The following ST7 variants were observed in gnomAD, a reference collection of about 807,000 sequenced individuals.
ST7 encodes suppression of tumorigenicity 7.
In ST7, 28 loss-of-function variants were observed where a neutral mutation model predicts 78.7. The ratio of observed to expected loss-of-function variants is 0.36; its 90% CI spans 0.26 to 0.49. ST7 has a LOEUF of 0.49. Among genes scored for constraint, ST7 ranks in the 20% least tolerant of loss-of-function variants. ST7 has a pLI of 0.99. For missense variants in ST7, 418 were observed against 696.0 expected, an observed-to-expected ratio of 0.60 and a Z score of 4.49; for synonymous variants, 247 against 249.6, an observed-to-expected ratio of 0.99 and a Z score of 0.10.
At chr7:117,027,498 T>TAAAGTAAAGTA (rs140342030) in intron 1 of ST7, among the ~76,000 whole-genome samples, 6 of 15,612 alleles carry the variant, frequency 3.8e-4, no homozygotes, top group African/African-American at 1.0e-3. Context: ...TAAAGTAAAG[T>TAAAGTAAAGTA]AAGTAAAGTA....
At chr7:116,978,122 C>A (rs1220688753) in intron 1 of ST7, among the ~76,000 whole-genome samples, 1 of 152,142 alleles carries the variant, frequency 6.6e-6, no homozygotes, top group Non-Finnish European at 1.5e-5. Flanking sequence ...AGCCTCATAT[C>A]CTTCTGGCCA....
At chr7:117,202,831 T>C (rs1811002282) in intron 12 of ST7, among the ~76,000 whole-genome samples, 1 of 152,144 alleles carries the variant, frequency 6.6e-6, no homozygotes, top group Admixed American at 6.5e-5. Flanking sequence ...TCCCCACAGC[T>C]TTGTTTTTCA....
At position 116,977,165 on chromosome 7, in the gene ST7, C is replaced by T. The variant is rs574071091; in HGVS notation, c.151+23474C>T. Among the ~76,000 whole-genome samples, 8 of 152,296 alleles carry T rather than the reference C, an allele frequency of 5.3e-5. No individual in the cohort carries two copies. In the South Asian group the frequency reaches 1.5e-3, roughly 28 times the overall value. On this transcript the variant is annotated intron_variant, in intron 1 of 15. Transcript: ENST00000323984. ...ATGTCTAGACTCTGTTCTCCAAGGG[C>T]CCTGTTCTAACATTCTGATTCTGTG...
intron 1 of ST7, among the ~76,000 whole-genome samples, chr7:116,962,231 G>T (rs1792872368): frequency 6.6e-6 from 1 of 152,106 alleles, no homozygotes; most frequent in African/African-American, 2.4e-5. Context: ...ATTGTACATG[G>T]TGCTGCAATA....
intron 1 of ST7, among the ~76,000 whole-genome samples, chr7:117,069,121 G>A (rs1584560278): frequency 6.6e-6 from 1 of 152,190 alleles, no homozygotes. Context: ...ATGAAGGAAA[G>A]AATATTATCA....
chr7:117,189,318 C>T lies in ST7; in HGVS notation c.1079-3C>T. Reference sequence around the variant, plus strand: ...GTGTTCCTACTTTCTTTTTCTCCAACAGATATAAGCTTACCAAAGTCAGCA... The same window carrying T: ...GTGTTCCTACTTTCTTTTTCTCCAATAGATATAAGCTTACCAAAGTCAGCA... On this transcript the variant is annotated splice_polypyrimidine_tract_variant and splice_region_variant and intron_variant, in intron 10 of 15. Transcript: ENST00000323984. The T allele has an allele frequency of 6.3e-7, 1 of 1,596,760 alleles. No individual in the cohort carries two copies.
At chr7:117,124,269 G>A (rs1803643552) in intron 3 of ST7, among the ~76,000 whole-genome samples, 1 of 152,060 alleles carries the variant, frequency 6.6e-6, no homozygotes, top group Admixed American at 6.6e-5. Flanking sequence ...CTTAGTGTCT[G>A]CTATCAGCTT....
chr7:117,108,501 G>A (rs1352473357), intron 2 of ST7, among the ~76,000 whole-genome samples: 1 of 152,156 alleles, frequency 6.6e-6, no homozygotes, highest in East Asian at 1.9e-4. Context: ...TGGCCTTATA[G>A]TATAGTTTGA....
chr7:117,114,633 T>C (rs1424762166), intron 2 of ST7, among the ~76,000 whole-genome samples: 2 of 152,200 alleles, frequency 1.3e-5, no homozygotes, highest in Non-Finnish European at 2.9e-5. Flanking sequence ...ATGGGTTTAA[T>C]GGTGTTGGTG....
At chr7:117,066,611 A>G (rs925491055) in intron 1 of ST7, among the ~76,000 whole-genome samples, 1 of 151,798 alleles carries the variant, frequency 6.6e-6, no homozygotes, top group Non-Finnish European at 1.5e-5. Flanking sequence ...AAATACAAAT[A>G]TTAGCTGGGT....
chr7:117,094,329 T>C (rs1166810820), intron 1 of ST7, among the ~76,000 whole-genome samples: 1 of 152,216 alleles, frequency 6.6e-6, no homozygotes, highest in Non-Finnish European at 1.5e-5. Flanking sequence ...TTCCCTAGTC[T>C]CTGCAGCCAT....
At chr7:116,969,413 G>A (rs1425463381) in intron 1 of ST7, among the ~76,000 whole-genome samples, 1 of 152,094 alleles carries the variant, frequency 6.6e-6, no homozygotes, top group East Asian at 1.9e-4. Context: ...TGATTTTCTG[G>A]GATTTTGAGT....
intron 1 of ST7, among the ~76,000 whole-genome samples, chr7:117,082,510 T>TG (rs1371458468): frequency 2.0e-5 from 3 of 152,218 alleles, no homozygotes; most frequent in Admixed American, 1.3e-4. Context: ...TTTCGAGGAA[T>TG]GGCAGCATCA....
chr7:117,039,610 C>G (rs934988713), intron 1 of ST7, among the ~76,000 whole-genome samples: 1 of 151,944 alleles, frequency 6.6e-6, no homozygotes, highest in African/African-American at 2.4e-5. Context: ...TATCCAAACT[C>G]TGAATTTGTA....
intron 1 of ST7, among the ~76,000 whole-genome samples, chr7:116,989,297 T>A (rs942356709): frequency 1.3e-5 from 2 of 152,216 alleles, no homozygotes; most frequent in African/African-American, 4.8e-5. Flanking sequence ...CGTGCTACCC[T>A]TTTGGACAGT....
intron 9 of ST7, among the ~76,000 whole-genome samples, chr7:117,158,180 G>A (rs1478183216): frequency 1.3e-5 from 2 of 152,196 alleles, no homozygotes; most frequent in African/African-American, 2.4e-5. Flanking sequence ...CACTGAGGCA[G>A]GTAGAAGTGG....
At chr7:117,129,277 A>G (rs1376276671) in intron 3 of ST7, among the ~76,000 whole-genome samples, 1 of 151,852 alleles carries the variant, frequency 6.6e-6, no homozygotes, top group Admixed American at 6.6e-5. Flanking sequence ...TAATTTTCTT[A>G]TTCCTTTCCT....
At chr7:117,110,454 G>T (rs537720656) in intron 2 of ST7, among the ~76,000 whole-genome samples, 2 of 152,168 alleles carry the variant, frequency 1.3e-5, no homozygotes, top group Admixed American at 6.5e-5. Context: ...CATTGCTAAT[G>T]GTTGTTTCCT....
chr7:117,092,166 C>T (rs1386729875), intron 1 of ST7, among the ~76,000 whole-genome samples: 2 of 151,208 alleles, frequency 1.3e-5, no homozygotes, highest in Non-Finnish European at 2.9e-5. Context: ...GTAGTCCCAG[C>T]TACTCGGGAG....
Sources: allele counts gnomAD v4.1 joint callset (sites outside exome capture counted in the v4.1 genomes callset), GRCh38; gene constraint gnomAD v4.1.1; transcripts MANE v1.5; gene names NCBI Gene and HGNC (gene_info 2026-07-23, HGNC 2026-07-21).